The following PIP4K2A variants were observed in gnomAD, a reference collection of about 807,000 sequenced individuals.
The protein encoded by PIP4K2A is phosphatidylinositol 5-phosphate 4-kinase type-2 alpha.
Under a neutral mutation model 42.9 loss-of-function variants are expected in PIP4K2A, and 14 were observed. The observed-to-expected ratio is 0.33, with a 90% CI of 0.22 to 0.51. PIP4K2A has a LOEUF of 0.51. Among genes scored for constraint, PIP4K2A ranks in the 20% least tolerant of loss-of-function variants. PIP4K2A has a pLI of 0.97. For synonymous variants in PIP4K2A, 192 were observed against 192.2 expected (o/e 1.00, Z 0.01); for missense variants, 434 against 519.8 (o/e 0.83, Z 1.61).
intron 2 of PIP4K2A, among the ~76,000 whole-genome samples, chr10:22,608,850 C>G (rs1422318157): frequency 6.6e-6 from 1 of 152,158 alleles, no homozygotes; most frequent in Non-Finnish European, 1.5e-5. Flanking sequence ...GCACACCAGC[C>G]TGAGCAACAG....
chr10:22,536,953 A>ACT lies in PIP4K2A; in HGVS notation c.*246_*247dup. ...TTTTAAAATGCACACGCGCGCACAC[A>ACT]CTCACCCCCCCCCAACACACACACA... On this transcript the variant is annotated 3_prime_UTR_variant, in exon 10 of 10. Coordinates refer to ENST00000376573, the MANE Select transcript of PIP4K2A (RefSeq NM_005028.5). 1 of 363,998 alleles carries ACT rather than the reference A, an allele frequency of 2.7e-6. No homozygotes were observed. The highest frequency in any genetic ancestry group is 4.7e-5 in the East Asian group (1 of 21,472). 22.5% of individuals were successfully genotyped at this position (363,998 alleles called of 1,614,324 possible).
intron 1 of PIP4K2A, among the ~76,000 whole-genome samples, chr10:22,685,247 C>T (rs904077349): frequency 6.6e-6 from 1 of 152,084 alleles, no homozygotes; most frequent in Non-Finnish European, 1.5e-5. Flanking sequence ...GTATACTCTT[C>T]AACTGATTTT....
At chr10:22,665,982 C>T (rs1206385319) in intron 1 of PIP4K2A, among the ~76,000 whole-genome samples, 1 of 151,976 alleles carries the variant, frequency 6.6e-6, no homozygotes, top group African/African-American at 2.4e-5. Flanking sequence ...TTTCAGATGG[C>T]TTTCCAGGAA....
At chr10:22,711,449 A>G (rs572099222) in intron 1 of PIP4K2A, among the ~76,000 whole-genome samples, 1 of 152,358 alleles carries the variant, frequency 6.6e-6, no homozygotes, top group Middle Eastern at 3.4e-3. Flanking sequence ...ATAGTAAGAC[A>G]ACTTTTATAT....
chr10:22,686,855 G>A (rs987167280), intron 1 of PIP4K2A, among the ~76,000 whole-genome samples: 2 of 152,072 alleles, frequency 1.3e-5, no homozygotes, highest in African/African-American at 4.8e-5. Context: ...TCACGCTGAC[G>A]CAGCTAAATT....
At chr10:22,682,547 C>T (rs1354288345) in intron 1 of PIP4K2A, among the ~76,000 whole-genome samples, 1 of 152,132 alleles carries the variant, frequency 6.6e-6, no homozygotes, top group Non-Finnish European at 1.5e-5. Flanking sequence ...AAAAAAAGTG[C>T]CATCAACTTG....
chr10:22,640,014 CTTTTTTTTTT>C (rs71395806), intron 1 of PIP4K2A, among the ~76,000 whole-genome samples: 216 of 92,356 alleles, frequency 2.3e-3, no homozygotes, highest in African/African-American at 5.8e-3. Context: ...GATGTGTTGT[CTTTTTTTTTT>C]TTTTTTTTTT....
chr10:22,609,967 T>C (rs1173668961), intron 1 of PIP4K2A, among the ~76,000 whole-genome samples: 1 of 152,162 alleles, frequency 6.6e-6, no homozygotes, highest in Non-Finnish European at 1.5e-5. Context: ...TCAATCCTCA[T>C]GCCACCTGTC....
chr10:22,660,357 G>C (rs1230851930), intron 1 of PIP4K2A, among the ~76,000 whole-genome samples: 2 of 152,132 alleles, frequency 1.3e-5, no homozygotes, highest in Admixed American at 1.3e-4. Flanking sequence ...TGTAATCCCA[G>C]CTACTTGGGA....
chr10:22,689,630 A>G (rs1839822277), intron 1 of PIP4K2A, among the ~76,000 whole-genome samples: 1 of 152,192 alleles, frequency 6.6e-6, no homozygotes, highest in African/African-American at 2.4e-5. Context: ...GGATTTTGGT[A>G]TGGGGAGTGG....
chr10:22,596,100 G>T (rs1837627589), intron 3 of PIP4K2A, among the ~76,000 whole-genome samples: 1 of 151,052 alleles, frequency 6.6e-6, no homozygotes, highest in Admixed American at 6.6e-5. Context: ...AGCTACTCGG[G>T]AGGCTGAGGC....
At chr10:22,695,380 C>T (rs538105767) in intron 1 of PIP4K2A, among the ~76,000 whole-genome samples, 10 of 152,152 alleles carry the variant, frequency 6.6e-5, no homozygotes, top group Admixed American at 5.9e-4. Flanking sequence ...AACTTGGATA[C>T]CTGTAGGTAA....
At chr10:22,554,095 C>T (rs891286444) in intron 6 of PIP4K2A, among the ~76,000 whole-genome samples, 2 of 152,086 alleles carry the variant, frequency 1.3e-5, no homozygotes, top group Admixed American at 6.5e-5. Context: ...GAGCCATGAT[C>T]GCGCCACTGC....
In PIP4K2A at chr10:22,573,024, C is replaced by T. The variant is rs139594942; in HGVS notation, c.639+287G>A. 2.8e-3 allele frequency among the ~76,000 whole-genome samples: 428 copies of T among 152,284 alleles called. 4 individuals are homozygous for T. Among genetic ancestry groups the T allele is most frequent in the African/African-American group, 9.9e-3 (412 of 41,560 alleles). ...TTTACCCACCAGAATGTCAGCTCCC[C>T]GAGTGCAGGTTTGGTTTGTTCATCC... On this transcript the variant is annotated intron_variant, in intron 5 of 9. Coordinates refer to ENST00000376573, the MANE Select transcript of PIP4K2A (RefSeq NM_005028.5).
At chr10:22,553,270 T>C (rs1836455262) in intron 6 of PIP4K2A, among the ~76,000 whole-genome samples, 1 of 152,178 alleles carries the variant, frequency 6.6e-6, no homozygotes, top group Non-Finnish European at 1.5e-5. Flanking sequence ...CCTACAGATA[T>C]CAACCTCCCA....
chr10:22,634,497 A>G (rs1016068518), intron 1 of PIP4K2A, among the ~76,000 whole-genome samples: 1 of 152,234 alleles, frequency 6.6e-6, no homozygotes, highest in African/African-American at 2.4e-5. Flanking sequence ...CATATTCTGC[A>G]TATGTTACTG....
chr10:22,545,844 C>T (rs1431406929), intron 7 of PIP4K2A, among the ~76,000 whole-genome samples: 1 of 152,128 alleles, frequency 6.6e-6, no homozygotes, highest in Non-Finnish European at 1.5e-5. Context: ...AGCTGGATTA[C>T]AGAGGTGCAC....
intron 1 of PIP4K2A, among the ~76,000 whole-genome samples, chr10:22,680,712 G>A (rs573716601): frequency 2.0e-5 from 3 of 152,262 alleles, no homozygotes; most frequent in Non-Finnish European, 2.9e-5. Flanking sequence ...GTGTTCCTGC[G>A]ACAGCTCAGC....
At chr10:22,566,349 G>A (rs1015259979) in intron 6 of PIP4K2A, among the ~76,000 whole-genome samples, 3 of 152,078 alleles carry the variant, frequency 2.0e-5, no homozygotes, top group Admixed American at 6.5e-5. Flanking sequence ...CAGGTTCCCC[G>A]ATAACTGACA....
Sources: gnomAD v4.1 joint callset for allele counts (sites outside exome capture counted in the v4.1 genomes callset) on GRCh38, gnomAD v4.1.1 for gene constraint, MANE v1.5 for transcripts, NCBI Gene and HGNC (gene_info 2026-07-23, HGNC 2026-07-21) for gene names.